TNFRSF14: variants seen among roughly 807,000 people sequenced by gnomAD.
The protein encoded by TNFRSF14 is tumor necrosis factor receptor superfamily member 14.
TNFRSF14 carries 18 observed loss-of-function variants against 34.1 expected under a neutral mutation model. That is an observed-to-expected ratio of 0.53 (90% CI 0.36 to 0.78). The LOEUF is 0.78. TNFRSF14 is among the 30% of genes least tolerant of loss of function. TNFRSF14 has a pLI of 0.00. For synonymous variants in TNFRSF14, 157 were observed against 153.2 expected, an observed-to-expected ratio of 1.02 and a Z score of -0.18; for missense variants, 352 against 379.5, an observed-to-expected ratio of 0.93 and a Z score of 0.60.
In TNFRSF14 at chr1:2,560,519, C is replaced by A. The variant is rs890527156; in HGVS notation, c.461-105C>A. On this transcript the variant is annotated intron_variant, in intron 4 of 7. Transcript: ENST00000355716. ...CCTCCCCGCTGGTCCTCCCATCACC[C>A]GTAGAGCACCCAGGTCTAGAAGCTC... The A allele has an allele frequency of 6.2e-6, 5 of 802,370 alleles. No individual in the cohort carries two copies. The East Asian group carries it at 1.0e-4, about 17-fold the overall frequency. The allele number at this position is 802,370 out of a possible 1,614,324, so 49.7% of individuals were successfully genotyped here.
chr1:2,559,744 G>T, intron 3 of TNFRSF14, 79 bp from the exon 4 acceptor site: 2 of 1,542,508 alleles, frequency 1.3e-6, no homozygotes, highest in Non-Finnish European at 1.7e-6. Flanking sequence ...GCAGTCCTTG[G>T]CCTGTGGATG....
At chr1:2,560,842 C>T (rs1178164759) in intron 5 of TNFRSF14, 128 bp downstream of exon 5, 3 of 782,856 alleles carry the variant, frequency 3.8e-6, no homozygotes, top group Non-Finnish European at 6.3e-6. Flanking sequence ...ACCCTGGTCA[C>T]ATGCCTGCGT....
At position 2,561,415 on chromosome 1, in the gene TNFRSF14, T is replaced by C; in HGVS notation, c.552-258T>C. 1 of 1,388,962 alleles carries C rather than the reference T, an allele frequency of 7.2e-7. No homozygotes were observed. Among genetic ancestry groups the C allele is most frequent in the Admixed American group, 2.7e-5 (1 of 37,260 alleles). 86.0% of individuals were successfully genotyped at this position (1,388,962 alleles called of 1,614,324 possible). A position where few individuals can be genotyped will look rare whatever the true frequency, so the allele number is the denominator to read the frequency against. On this transcript the variant is annotated intron_variant, in intron 5 of 7. Transcript: ENST00000355716. The surrounding 1 kb of genome is among the most constrained non-coding windows in gnomAD (Gnocchi z 6.0). Reference sequence around the variant, plus strand: ...GGCTGCCTCCCGCTTCTCTCCCCTCTCCCTCTGCCGTCCTGTCTCCTTTGC... The same window carrying C: ...GGCTGCCTCCCGCTTCTCTCCCCTCCCCCTCTGCCGTCCTGTCTCCTTTGC...
At chr1:2,557,925 C>A in intron 2 of TNFRSF14, 91 bp downstream of exon 2, 1 of 1,098,902 alleles carries the variant, frequency 9.1e-7, no homozygotes, top group South Asian at 1.6e-5. Context: ...GTTCTCTGCC[C>A]CCACAGCCAT....
At chr1:2,559,589 C>T (rs1644274025) in intron 3 of TNFRSF14, 1 of 1,532,084 alleles carries the variant, frequency 6.5e-7, no homozygotes, top group Non-Finnish European at 8.7e-7. Context: ...ACGAAGCCCT[C>T]CCAGGACCTT....
rs1644338168 is a variant in TNFRSF14, at chr1:2,563,290, C to T, written c.*17C>T. On this transcript the variant is annotated 3_prime_UTR_variant, in exon 8 of 8. Coordinates refer to ENST00000355716, the MANE Select transcript of TNFRSF14 (RefSeq NM_003820.4). ...AACCACTGACCCACAGACTCTGCAC[C>T]CCGACGCCAGAGATACCTGGAGCGA... 2 of 1,611,768 alleles carry T rather than the reference C, an allele frequency of 1.2e-6. No homozygotes were observed. Among genetic ancestry groups the T allele is most frequent in the South Asian group, 1.1e-5 (1 of 91,046 alleles).
upstream of TNFRSF14, among the ~76,000 whole-genome samples, chr1:2,554,476 G>A (rs781282170): frequency 6.6e-6 from 1 of 152,162 alleles, no homozygotes. The surrounding 1 kb of genome is among the most constrained non-coding windows in gnomAD (Gnocchi z 4.2). Context: ...CGAGGCGGGC[G>A]GATACGGGGA....
chr1:2,557,808 C>A lies in TNFRSF14; in HGVS notation c.152C>A (p.Ser51Tyr). The change falls in exon 2 of 8, where the codon TCC (serine) becomes TAC (tyrosine). Residue 51 changes from serine (S) to tyrosine (Y), a missense_variant. Ser to Tyr is a moderately radical substitution (Grantham distance 144). Coordinates refer to ENST00000355716, the MANE Select transcript of TNFRSF14 (RefSeq NM_003820.4). The stretch of plus-strand genomic sequence containing the variant: ...AAGGAGGACGAGTACCCAGTGGGCT[C>A]CGAGTGCTGCCCCAAGTGCAGTCCA... Reference protein sequence around the residue: ...SCKEDEYPVGSECCPKCSPGY... With the variant: ...SCKEDEYPVGYECCPKCSPGY... 1 of 1,611,162 alleles carries A rather than the reference C, an allele frequency of 6.2e-7. No individual in the cohort carries two copies. Among genetic ancestry groups the A allele is most frequent in the South Asian group, 1.1e-5 (1 of 90,704 alleles).
At chr1:2,557,016 G>A (rs1415785868) in intron 1 of TNFRSF14, 14 of 435,688 alleles carry the variant, frequency 3.2e-5, no homozygotes, top group Middle Eastern at 5.9e-4. Context: ...CCATTTGGCC[G>A]GATGTGGGCA....
At chr1:2,558,044 G>C (rs1471554319) in intron 2 of TNFRSF14, among the ~76,000 whole-genome samples, 1 of 152,204 alleles carries the variant, frequency 6.6e-6, no homozygotes, top group Non-Finnish European at 1.5e-5. Context: ...CACTGCACAG[G>C]GGGTGGGTCT....
intron 1 of TNFRSF14, 81 bp from the exon 2 acceptor site, chr1:2,557,645 A>T (rs1011589411): frequency 8.4e-6 from 9 of 1,066,352 alleles, no homozygotes; most frequent in African/African-American, 1.6e-5. Flanking sequence ...GCACAGAGGG[A>T]GATTCAGGCT....
intron 4 of TNFRSF14, among the ~76,000 whole-genome samples, chr1:2,560,387 G>A (rs1383858832): frequency 5.9e-5 from 9 of 152,134 alleles, no homozygotes; most frequent in Admixed American, 1.3e-4. Flanking sequence ...GCAGGATGTG[G>A]ACACAGAGGG....
In TNFRSF14 at chr1:2,563,347, A is replaced by G; in HGVS notation, c.*74A>G. 1 of 1,585,174 alleles carries G rather than the reference A, an allele frequency of 6.3e-7. No individual in the cohort carries two copies. On this transcript the variant is annotated 3_prime_UTR_variant, in exon 8 of 8. Transcript: ENST00000355716. Reference sequence around the variant, plus strand: ...CTGAAAGAGGCTGTCCACCTGGCGGAACCACCGGAGCCCGGAGGCTTGGGG... The same window carrying G: ...CTGAAAGAGGCTGTCCACCTGGCGGGACCACCGGAGCCCGGAGGCTTGGGG...
upstream of TNFRSF14, chr1:2,556,291 C>T (rs1227957580): frequency 3.5e-6 from 2 of 564,612 alleles, no homozygotes. Context: ...CTTTGGGGGG[C>T]TCCCCCTTCT....
Position 2,563,786 on chromosome 1 carries a change from G to T in TNFRSF14, c.*513G>T. On this transcript the variant is annotated 3_prime_UTR_variant, in exon 8 of 8. Coordinates refer to ENST00000355716, the MANE Select transcript of TNFRSF14 (RefSeq NM_003820.4). ...TATTTGTCATGAAACAGTGTATTTGGGGAGATGCTGTGGGAGGATGTAAAT... is the reference window on the plus strand; with the variant it reads ...TATTTGTCATGAAACAGTGTATTTGTGGAGATGCTGTGGGAGGATGTAAAT... 4.3e-6 allele frequency: 1 copy of T among 234,918 alleles called. No homozygotes were observed. 14.6% of individuals were successfully genotyped at this position (234,918 alleles called of 1,614,324 possible).
At chr1:2,560,824 T>A (rs1411398674) in intron 5 of TNFRSF14, 110 bp downstream of exon 5, 3 of 965,476 alleles carry the variant, frequency 3.1e-6, no homozygotes, top group Non-Finnish European at 4.8e-6. Flanking sequence ...GGTCCCACCC[T>A]GAGCGGCACC....
chr1:2,562,684 G>A (rs1644327965), intron 6 of TNFRSF14, 181 bp from the exon 7 acceptor site: 1 of 800,608 alleles, frequency 1.2e-6, no homozygotes, highest in Admixed American at 1.9e-5. Context: ...GGGACAGGCT[G>A]GGCTAGCAGT....
chr1:2,556,892 C>T, intron 1 of TNFRSF14, 159 bp downstream of exon 1: 1 of 687,414 alleles, frequency 1.5e-6, no homozygotes, highest in South Asian at 2.0e-5. Context: ...CCCAGACCCC[C>T]AGCACTGGGC....
chr1:2,561,053 G>A lies in TNFRSF14; in HGVS notation c.551+339G>A, dbSNP rs1438570972. On this transcript the variant is annotated intron_variant, in intron 5 of 7. Transcript: ENST00000355716. The surrounding 1 kb of genome is among the most constrained non-coding windows in gnomAD (Gnocchi z 6.0). ...ATGTCAGGGCCATGGGAGGGCCCCT[G>A]GGCTTCAGGGGTTGGGGAAAGTGAA... 5 of 368,660 alleles carry A rather than the reference G, an allele frequency of 1.4e-5. No individual in the cohort carries two copies. The highest frequency in any genetic ancestry group is 4.3e-5 in the Admixed American group (1 of 23,486). The allele number at this position is 368,660 out of a possible 1,614,324, so 22.8% of individuals were successfully genotyped here.
Sources: allele counts gnomAD v4.1 joint callset (sites outside exome capture counted in the v4.1 genomes callset), GRCh38; gene constraint gnomAD v4.1.1; non-coding constraint Gnocchi (gnomAD v3.1); transcripts MANE v1.5; gene names NCBI Gene and HGNC (gene_info 2026-07-23, HGNC 2026-07-21).